The following L3MBTL4 variants were observed in gnomAD, a reference collection of about 807,000 sequenced individuals.
The protein encoded by L3MBTL4 is L3MBTL histone methyl-lysine binding protein 4.
A neutral mutation model predicts 84.5 loss-of-function variants in L3MBTL4; 70 were observed. The observed-to-expected ratio is 0.83, with a 90% CI of 0.68 to 1.01. L3MBTL4 has a LOEUF of 1.01. Among genes scored for constraint, L3MBTL4 ranks in the 50% least tolerant of loss-of-function variants. The pLI, the probability that L3MBTL4 is intolerant of heterozygous loss-of-function variation, is 0.00. For synonymous variants in L3MBTL4, 274 were observed against 259.8 expected (o/e 1.05, Z -0.52); for missense variants, 715 against 754.8 (o/e 0.95, Z 0.62).
intron 15 of L3MBTL4, 42 bp downstream of exon 15, chr18:6,093,313 C>T (rs1055215880): frequency 1.3e-6 from 2 of 1,498,586 alleles, no homozygotes; most frequent in Non-Finnish European, 9.0e-7. Context: ...TACTATTCTA[C>T]ATGGTTTACT....
chr18:6,331,938 G>A (rs1364149756), intron 1 of L3MBTL4, among the ~76,000 whole-genome samples: 2 of 150,202 alleles, frequency 1.3e-5, no homozygotes, highest in African/African-American at 4.9e-5. Context: ...TTTACAAGGC[G>A]AGATTAAAAA....
At chr18:6,230,145 A>G (rs2046935219) in intron 10 of L3MBTL4, among the ~76,000 whole-genome samples, 1 of 152,086 alleles carries the variant, frequency 6.6e-6, no homozygotes, top group South Asian at 2.1e-4. Flanking sequence ...TACATGTCAC[A>G]GGGGCCTGGT....
rs556623725 is a variant in L3MBTL4, at chr18:6,078,252, C to G, written c.1444+2629G>C. On this transcript the variant is annotated intron_variant, in intron 16 of 18. Coordinates refer to ENST00000317931, the MANE Select transcript of L3MBTL4 (RefSeq NM_001330559.2). ...AAACAGCCTGGGCAACATGGTGAAA[C>G]CCCATCTCTGCTAAACTACAAAAAG... 3.3e-5 allele frequency among the ~76,000 whole-genome samples: 5 copies of G among 151,138 alleles called. No homozygotes were observed. The South Asian group carries it at 1.0e-3, about 32-fold the overall frequency.
intron 4 of L3MBTL4, among the ~76,000 whole-genome samples, chr18:6,270,773 G>T (rs1446463520): frequency 6.6e-6 from 1 of 152,200 alleles, no homozygotes; most frequent in East Asian, 1.9e-4. Flanking sequence ...AGGGGCTGGA[G>T]GGGCAAACGT....
chr18:6,083,177 T>C (rs1376627261), intron 15 of L3MBTL4, among the ~76,000 whole-genome samples: 1 of 152,128 alleles, frequency 6.6e-6, no homozygotes, highest in Non-Finnish European at 1.5e-5. Context: ...AGCGTACAGT[T>C]TACTGATTAT....
At chr18:6,142,700 C>A (rs533994646) in intron 13 of L3MBTL4, among the ~76,000 whole-genome samples, 1 of 152,040 alleles carries the variant, frequency 6.6e-6, no homozygotes, top group Non-Finnish European at 1.5e-5. Context: ...GTGGGAGGAT[C>A]GCTTGAGGTC....
intron 4 of L3MBTL4, among the ~76,000 whole-genome samples, chr18:6,288,667 G>GT (rs60290346): frequency 0.19 from 28,591 of 151,672 alleles, 2,789 homozygotes; most frequent in African/African-American, 0.24. Context: ...TAACTTTAAG[G>GT]TTTACTTAGG....
At chr18:6,214,261 T>C (rs1435665514) in intron 11 of L3MBTL4, among the ~76,000 whole-genome samples, 1 of 152,154 alleles carries the variant, frequency 6.6e-6, no homozygotes, top group African/African-American at 2.4e-5. Context: ...GGTGGGCAGA[T>C]CACCTGAGGT....
Sources: gnomAD v4.1 joint callset for allele counts (sites outside exome capture counted in the v4.1 genomes callset) on GRCh38, gnomAD v4.1.1 for gene constraint, MANE v1.5 for transcripts, NCBI Gene and HGNC (gene_info 2026-07-23, HGNC 2026-07-21) for gene names.